Variants in MOSPD1 observed in about 807,000 individuals in gnomAD.
MOSPD1 encodes the protein motile sperm domain containing 1.
Under a neutral mutation model 16.7 loss-of-function variants are expected in MOSPD1, and 5 were observed. The ratio of observed to expected loss-of-function variants is 0.30; its 90% CI spans 0.16 to 0.63. The LOEUF is 0.63. MOSPD1 is among the 30% of genes least tolerant of loss of function. The probability of loss-of-function intolerance (pLI) is 0.82; values close to 1 mark genes in which losing one functional copy is unlikely to be tolerated. For missense variants in MOSPD1, 104 were observed against 153.6 expected (o/e 0.68, Z 1.71); for synonymous variants, 67 against 59.2 (o/e 1.13, Z -0.61).
At chrX:134,913,464 A>G (rs1298118227) in intron 1 of MOSPD1, among the ~76,000 whole-genome samples, 2 of 112,064 alleles carry the variant, frequency 1.8e-5, no homozygotes, top group Admixed American at 1.9e-4. Flanking sequence ...GTAGCAAATT[A>G]CTTTATTGAC....
intron 4 of MOSPD1, among the ~76,000 whole-genome samples, chrX:134,892,507 C>T (rs2082866950): frequency 8.9e-6 from 1 of 112,286 alleles, no homozygotes; most frequent in Non-Finnish European, 1.9e-5. Flanking sequence ...ATCTACTCGA[C>T]AATTGTTCCC....
At chrX:134,903,440 A>G (rs959637752) in intron 1 of MOSPD1, among the ~76,000 whole-genome samples, 6 of 110,618 alleles carry the variant, frequency 5.4e-5, no homozygotes, top group Non-Finnish European at 1.1e-4. Context: ...GGCTGGGCAC[A>G]GTGGCTCACG....
chrX:134,903,726 A>AAAAG lies in MOSPD1; in HGVS notation c.-101-4196_-101-4193dup, dbSNP rs1465327037. On this transcript the variant is annotated intron_variant, in intron 1 of 5. Transcript: ENST00000370783. ...GACTCCATCTCAAAAAAAAAAAAAAAAAAGAAAGAAAGAAAAAGAAACTGT... is the reference window on the plus strand; with the variant it reads ...GACTCCATCTCAAAAAAAAAAAAAAAAAAGAAAGAAAGAAAGAAAAAGAAACTGT... 3.2e-4 allele frequency among the ~76,000 whole-genome samples: 33 copies of AAAAG among 102,858 alleles called. 1 individual carries two copies. Among genetic ancestry groups the AAAAG allele is most frequent in the East Asian group, 6.4e-4 (2 of 3,118 alleles). 89.3% of individuals were successfully genotyped at this position (102,858 alleles called of 115,157 possible).
At position 134,895,184 on chromosome X, in the gene MOSPD1, G is replaced by A. The variant is rs761308914; in HGVS notation, c.448+1633C>T. On this transcript the variant is annotated intron_variant, in intron 4 of 5. Coordinates refer to ENST00000370783, the MANE Select transcript of MOSPD1 (RefSeq NM_019556.3). ...CCTGGGCAACATAGCGAGACCCTGG[G>A]TGTGGTGACGAGCACCTGTAGTCCC... Among the ~76,000 whole-genome samples, 17 of 110,416 alleles carry A rather than the reference G, an allele frequency of 1.5e-4. No homozygotes were observed. The South Asian group carries it at 6.3e-3, about 41-fold the overall frequency.
rs542398226 is a variant in MOSPD1 at position 134,903,545 on chromosome X, C to A, written c.-101-4011G>T. 5.6e-5 allele frequency among the ~76,000 whole-genome samples: 6 copies of A among 107,732 alleles called. No individual in the cohort carries two copies. The South Asian group carries it at 2.4e-3, about 44-fold the overall frequency. 93.6% of individuals were successfully genotyped at this position (107,732 alleles called of 115,157 possible). On this transcript the variant is annotated intron_variant, in intron 1 of 5. Transcript: ENST00000370783. ...TGACCAACATGGTGAAACGCCGTCT[C>A]TATTAAACATACTAAAATTAGCCAG...
intron 4 of MOSPD1, among the ~76,000 whole-genome samples, chrX:134,894,719 T>C (rs1185306853): frequency 1.8e-5 from 2 of 111,600 alleles, no homozygotes; most frequent in Non-Finnish European, 3.8e-5. Flanking sequence ...ACAGCTGTCA[T>C]AGCCATGAAA....
At chrX:134,906,829 C>T (rs1316999135) in intron 1 of MOSPD1, among the ~76,000 whole-genome samples, 2 of 111,714 alleles carry the variant, frequency 1.8e-5, no homozygotes, top group African/African-American at 6.5e-5. Flanking sequence ...GAAGCAGGCC[C>T]AGGATGGTTA....
At chrX:134,909,084 A>G (rs1382558416) in intron 1 of MOSPD1, among the ~76,000 whole-genome samples, 3 of 109,206 alleles carry the variant, frequency 2.7e-5, no homozygotes, top group African/African-American at 1.0e-4. Context: ...TGGATAACAC[A>G]GTGAAATCCC....
intron 5 of MOSPD1, among the ~76,000 whole-genome samples, chrX:134,889,691 TA>T (rs34324403): frequency 1.9e-5 from 2 of 107,464 alleles, no homozygotes; most frequent in African/African-American, 3.4e-5. Context: ...GAAAGTGTGA[TA>T]AAAAAAAAGT....
intron 4 of MOSPD1, among the ~76,000 whole-genome samples, chrX:134,896,252 A>T (rs758762722): frequency 2.2e-4 from 25 of 112,006 alleles, no homozygotes; most frequent in African/African-American, 7.8e-4. Flanking sequence ...ACTTCTGAAT[A>T]TCTAAGCTGG....
chrX:134,898,598 A>C (rs1027142329), intron 3 of MOSPD1, among the ~76,000 whole-genome samples: 4 of 112,198 alleles, frequency 3.6e-5, no homozygotes. Flanking sequence ...AGCTCAAATA[A>C]TATTTTACAG....
chrX:134,902,222 A>C (rs1603256340), intron 1 of MOSPD1, among the ~76,000 whole-genome samples: 1 of 109,779 alleles, frequency 9.1e-6, no homozygotes, highest in Non-Finnish European at 1.9e-5. Flanking sequence ...AGCCTGACCA[A>C]CATGCAGAAA....
At chrX:134,903,000 CTT>C (rs754568829) in intron 1 of MOSPD1, among the ~76,000 whole-genome samples, 5 of 98,627 alleles carry the variant, frequency 5.1e-5, no homozygotes, top group Admixed American at 1.1e-4. Flanking sequence ...GATGTGTTCT[CTT>C]TTTTTTTTTT....
rs766237491 is a variant in MOSPD1, at chrX:134,891,744, C to T, written c.449-104G>A. The T allele has an allele frequency of 8.8e-5, 71 of 802,720 alleles. No individual in the cohort carries two copies. The South Asian group carries it at 1.7e-3, about 19-fold the overall frequency. 66.2% of individuals were successfully genotyped at this position (802,720 alleles called of 1,213,427 possible). A position where few individuals can be genotyped will look rare whatever the true frequency, so the allele number is the denominator to read the frequency against. On this transcript the variant is annotated intron_variant, in intron 4 of 5. Transcript: ENST00000370783. ...AGACCAGTATTCTGATTTTGTCTAA[C>T]TTCTCCAATTGTTTCCCCATCATTT...
chrX:134,906,653 G>A (rs2082944924), intron 1 of MOSPD1, among the ~76,000 whole-genome samples: 1 of 111,525 alleles, frequency 9.0e-6, no homozygotes, highest in Non-Finnish European at 1.9e-5. Flanking sequence ...TCTCTTTGCT[G>A]CAGTCCATAT....
intron 3 of MOSPD1, 192 bp downstream of exon 3, chrX:134,898,898 G>A (rs924112293): frequency 1.3e-5 from 5 of 391,990 alleles, no homozygotes; most frequent in African/African-American, 1.0e-4. Context: ...GAGCTCCAAC[G>A]TAATAAAATA....
chrX:134,899,490 G>C lies in MOSPD1; in HGVS notation c.-57C>G. 5 of 1,058,085 alleles carry C rather than the reference G, an allele frequency of 4.7e-6. No homozygotes were observed. The highest frequency in any genetic ancestry group is 6.2e-6 in the Non-Finnish European group (5 of 807,217). The allele number at this position is 1,058,085 out of a possible 1,213,427, so 87.2% of individuals were successfully genotyped here. On this transcript the variant is annotated 5_prime_UTR_variant, in exon 2 of 6. Coordinates refer to ENST00000370783, the MANE Select transcript of MOSPD1 (RefSeq NM_019556.3). Reference sequence around the variant, plus strand: ...TTTTTACAGTCTCAAATCTATTTTGGACTTTTCTTAGATTCAGTTAAAAAC... The same window carrying C: ...TTTTTACAGTCTCAAATCTATTTTGCACTTTTCTTAGATTCAGTTAAAAAC...
chrX:134,895,887 T>C (rs1366959567), intron 4 of MOSPD1, among the ~76,000 whole-genome samples: 2 of 111,335 alleles, frequency 1.8e-5, no homozygotes, highest in African/African-American at 6.5e-5. Context: ...ATCTAGATGG[T>C]CCCTAATGGA....
chrX:134,897,304 C>T (rs1056337531), intron 3 of MOSPD1, among the ~76,000 whole-genome samples: 1 of 109,748 alleles, frequency 9.1e-6, no homozygotes. Context: ...TTTGGTCAGG[C>T]GCAGTGGCTC....
Sources: allele counts gnomAD v4.1 joint callset (sites outside exome capture counted in the v4.1 genomes callset), GRCh38; gene constraint gnomAD v4.1.1; transcripts MANE v1.5; gene names NCBI Gene and HGNC (gene_info 2026-07-23, HGNC 2026-07-21).